Variants in LRRTM4 observed in about 807,000 individuals in gnomAD.
LRRTM4 encodes leucine-rich repeat transmembrane neuronal protein 4.
LRRTM4 carries 25 observed loss-of-function variants against 47.6 expected under a neutral mutation model. The ratio of observed to expected loss-of-function variants is 0.53; its 90% confidence interval spans 0.38 to 0.73. The LOEUF is 0.73. Ranked by LOEUF, LRRTM4 falls within the 30% of genes least tolerant of loss-of-function variation. LRRTM4 has a pLI of 0.00. For synonymous variants in LRRTM4, 311 were observed against 269.5 expected, an observed-to-expected ratio of 1.15 and a Z score of -1.51; for missense variants, 638 against 713.4, an observed-to-expected ratio of 0.89 and a Z score of 1.20.
intron 3 of LRRTM4, among the ~76,000 whole-genome samples, chr2:76,798,795 A>C (rs10189425): frequency 2.0e-5 from 3 of 151,564 alleles, no homozygotes; most frequent in Admixed American, 6.6e-5. Context: ...CAGAAATACA[A>C]ACTACCATCA....
intron 3 of LRRTM4, among the ~76,000 whole-genome samples, chr2:77,128,959 T>A (rs900926088): frequency 2.6e-5 from 4 of 152,220 alleles, no homozygotes; most frequent in African/African-American, 7.2e-5. Flanking sequence ...ATTTTTATAT[T>A]TGAAAAGTGT....
At chr2:76,767,390 CACAGCAAT>C (rs1673498678) in intron 3 of LRRTM4, among the ~76,000 whole-genome samples, 1 of 152,142 alleles carries the variant, frequency 6.6e-6, no homozygotes, top group Admixed American at 6.5e-5. Flanking sequence ...ATTTAGTGTT[CACAGCAAT>C]GCTATAATTC....
At chr2:76,998,212 G>A (rs1479736677) in intron 3 of LRRTM4, among the ~76,000 whole-genome samples, 1 of 152,056 alleles carries the variant, frequency 6.6e-6, no homozygotes, top group African/African-American at 2.4e-5. Context: ...GTTGGGGACT[G>A]CTGATCTATG....
At chr2:77,333,214 A>G (rs1306678811) in intron 3 of LRRTM4, among the ~76,000 whole-genome samples, 1 of 152,194 alleles carries the variant, frequency 6.6e-6, no homozygotes. Context: ...GCAGAGTGAA[A>G]GGAAACTAAT....
Position 77,172,614 on chromosome 2 carries a change from AAAAT to A in LRRTM4, c.1551+345700_1551+345703del, listed in dbSNP as rs199763594. ...TCTCAAAAACATAAAAAAAAAAATA[AAAAT>A]AAATAAATAAAGTGCTAAACTACAA... is the stretch of plus-strand genomic sequence containing the variant. On this transcript the variant is annotated intron_variant, in intron 3 of 3. Transcript: ENST00000409884. 9.7e-3 allele frequency among the ~76,000 whole-genome samples: 1,480 copies of A among 152,248 alleles called. 28 individuals carry two copies. Among genetic ancestry groups the A allele is most frequent in the African/African-American group, 0.034 (1,420 of 41,552 alleles).
At chr2:77,277,118 G>A (rs1676382017) in intron 3 of LRRTM4, among the ~76,000 whole-genome samples, 1 of 151,876 alleles carries the variant, frequency 6.6e-6, no homozygotes. Context: ...TGTGCATTTT[G>A]AAATGATTTT....
rs572994596 is a variant in LRRTM4 at position 77,446,401 on chromosome 2, C to A, written c.1551+71917G>T. Among the ~76,000 whole-genome samples, 96 of 151,942 alleles carry A rather than the reference C, an allele frequency of 6.3e-4. 2 individuals are homozygous for A. Among genetic ancestry groups the A allele is most frequent in the Non-Finnish European group, 8.8e-4 (60 of 67,904 alleles). On this transcript the variant is annotated intron_variant, in intron 3 of 3. Transcript: ENST00000409884. The stretch of plus-strand genomic sequence containing the variant: ...CTGGGGGTCAGGAGGCAAAATTACC[C>A]TAGGTTGAGAACAACTGATTTACAT...
At chr2:77,516,523 T>G in intron 3 of LRRTM4, 2 of 782,634 alleles carry the variant, frequency 2.6e-6, no homozygotes, top group Non-Finnish European at 3.1e-6. Context: ...AGAATTTTCT[T>G]TTCTTTTTAT....
intron 3 of LRRTM4, among the ~76,000 whole-genome samples, chr2:77,048,278 T>C (rs115954433): frequency 0.013 from 1,967 of 152,152 alleles, 46 homozygotes; most frequent in African/African-American, 0.045. Context: ...AGCTGAAGTA[T>C]TGGCGTGAGA....
intron 3 of LRRTM4, among the ~76,000 whole-genome samples, chr2:76,979,667 T>A (rs1053102802): frequency 1.4e-5 from 2 of 141,012 alleles, no homozygotes; most frequent in Non-Finnish European, 3.1e-5. Context: ...TGGTTGTGTT[T>A]GAATCACAGC....
At chr2:77,295,714 C>T (rs1676954043) in intron 3 of LRRTM4, among the ~76,000 whole-genome samples, 1 of 152,164 alleles carries the variant, frequency 6.6e-6, no homozygotes, top group South Asian at 2.1e-4. Context: ...TGGCCATCTC[C>T]TCCCTTTCAC....
At chr2:77,197,998 A>G (rs1226935440) in intron 3 of LRRTM4, among the ~76,000 whole-genome samples, 1 of 152,162 alleles carries the variant, frequency 6.6e-6, no homozygotes, top group Non-Finnish European at 1.5e-5. Flanking sequence ...CACATGCACG[A>G]CTTTATGTTG....
At chr2:77,432,961 T>C (rs1211102761) in intron 3 of LRRTM4, among the ~76,000 whole-genome samples, 2 of 152,214 alleles carry the variant, frequency 1.3e-5, no homozygotes, top group African/African-American at 4.8e-5. Context: ...CTTTGTTTGA[T>C]TCCCTGGAGA....
At chr2:77,415,173 A>G (rs1347987373) in intron 3 of LRRTM4, among the ~76,000 whole-genome samples, 1 of 152,214 alleles carries the variant, frequency 6.6e-6, no homozygotes, top group African/African-American at 2.4e-5. Flanking sequence ...AATATTTTGT[A>G]TACATTTTTT....
chr2:76,856,298 T>TA lies in LRRTM4; in HGVS notation c.1552-107383dup, dbSNP rs975579040. 2.6e-3 allele frequency among the ~76,000 whole-genome samples: 399 copies of TA among 150,824 alleles called. 2 individuals are homozygous for TA. Among genetic ancestry groups the TA allele is most frequent in the African/African-American group, 8.6e-3 (350 of 40,650 alleles). On this transcript the variant is annotated intron_variant, in intron 3 of 3. Coordinates refer to ENST00000409884, the MANE Select transcript of LRRTM4 (RefSeq NM_001134745.3). The stretch of plus-strand genomic sequence containing the variant: ...TCTCAGAAAAAGAGAGAGAGAGAGA[T>TA]AAAAAAAAGTATAAATTTTGAAAAA...
At chr2:76,857,762 G>A (rs577800707) in intron 3 of LRRTM4, among the ~76,000 whole-genome samples, 52 of 152,228 alleles carry the variant, frequency 3.4e-4, no homozygotes, top group Admixed American at 2.6e-3. Context: ...TTGTAAACAC[G>A]TTTTAACTGA....
intron 3 of LRRTM4, among the ~76,000 whole-genome samples, chr2:76,926,072 G>C (rs1415961200): frequency 1.3e-5 from 2 of 152,016 alleles, no homozygotes; most frequent in Admixed American, 1.3e-4. Context: ...AATTCATTTA[G>C]GAGTTTGTTA....
At chr2:77,309,364 C>G (rs573368073) in intron 3 of LRRTM4, among the ~76,000 whole-genome samples, 1 of 152,256 alleles carries the variant, frequency 6.6e-6, no homozygotes, top group South Asian at 2.1e-4. Flanking sequence ...TGTAAAAACA[C>G]ATTCAAATGC....
chr2:77,432,650 C>T (rs539258197), intron 3 of LRRTM4, among the ~76,000 whole-genome samples: 252 of 152,088 alleles, frequency 1.7e-3, no homozygotes, highest in Non-Finnish European at 3.2e-3. Flanking sequence ...TTTAAGTATA[C>T]ATACATGTAT....
Sources: allele counts gnomAD v4.1 joint callset (sites outside exome capture counted in the v4.1 genomes callset), GRCh38; gene constraint gnomAD v4.1.1; transcripts MANE v1.5; gene names NCBI Gene and HGNC (gene_info 2026-07-23, HGNC 2026-07-21).